CCSER1: variants seen among roughly 807,000 people sequenced by gnomAD.
CCSER1 encodes the protein coiled-coil serine rich protein 1, also known as serine-rich coiled-coil domain-containing protein 1.
CCSER1 carries 41 observed loss-of-function variants against 82.0 expected under a neutral mutation model. The ratio of observed to expected loss-of-function variants is 0.50; its 90% CI spans 0.39 to 0.65. The LOEUF (loss-of-function observed/expected upper bound fraction) is 0.65, where lower values mean the gene tolerates loss of function less well. Among genes scored for constraint, CCSER1 ranks in the 30% least tolerant of loss-of-function variants. The probability of loss-of-function intolerance (pLI) is 0.00; values close to 1 mark genes in which losing one functional copy is unlikely to be tolerated. For missense variants in CCSER1, 1,119 were observed against 1,064.2 expected, an observed-to-expected ratio of 1.05 and a Z score of -0.72; for synonymous variants, 414 against 383.9, an observed-to-expected ratio of 1.08 and a Z score of -0.92.
chr4:90,788,038 T>G (rs1754749396), intron 7 of CCSER1, among the ~76,000 whole-genome samples: 1 of 152,190 alleles, frequency 6.6e-6, no homozygotes, highest in African/African-American at 2.4e-5. Flanking sequence ...GTACTTTATT[T>G]TTATAACTTA....
chr4:91,568,938 G>A (rs963384869), intron 10 of CCSER1, among the ~76,000 whole-genome samples: 1 of 152,174 alleles, frequency 6.6e-6, no homozygotes, highest in African/African-American at 2.4e-5. Context: ...AGTTACAGGA[G>A]TTCTTGCACT....
At chr4:90,705,177 G>A (rs182785703) in intron 6 of CCSER1, among the ~76,000 whole-genome samples, 172 of 152,246 alleles carry the variant, frequency 1.1e-3, no homozygotes, top group Admixed American at 2.7e-3. Flanking sequence ...CTGTTTGTTA[G>A]TTTTCCTTCT....
At chr4:91,137,824 T>A (rs961586675) in intron 10 of CCSER1, among the ~76,000 whole-genome samples, 5 of 150,556 alleles carry the variant, frequency 3.3e-5, no homozygotes, top group African/African-American at 4.9e-5. Flanking sequence ...ATGAGTGAAA[T>A]CCCATTCACA....
At chr4:90,623,791 A>C (rs1722788249) in intron 5 of CCSER1, among the ~76,000 whole-genome samples, 2 of 152,216 alleles carry the variant, frequency 1.3e-5, no homozygotes, top group Non-Finnish European at 2.9e-5. Flanking sequence ...TTGGAAAGGA[A>C]AAATGAAAAA....
At chr4:90,869,717 A>AT (rs35693099) in intron 8 of CCSER1, among the ~76,000 whole-genome samples, 46 of 148,258 alleles carry the variant, frequency 3.1e-4, no homozygotes, top group Admixed American at 8.1e-4. Context: ...AAATTTTAGG[A>AT]TTTTTTTTTT....
chr4:90,543,930 C>G (rs916705508), intron 5 of CCSER1, among the ~76,000 whole-genome samples: 1 of 152,132 alleles, frequency 6.6e-6, no homozygotes, highest in South Asian at 2.1e-4. Context: ...CACCCTGCAT[C>G]TCAGCTAATG....
intron 8 of CCSER1, among the ~76,000 whole-genome samples, chr4:90,853,993 A>T (rs1764172987): frequency 6.6e-6 from 1 of 152,180 alleles, no homozygotes; most frequent in Non-Finnish European, 1.5e-5. Flanking sequence ...GCATGTCAAA[A>T]GGAAAGTTCA....
chr4:91,035,217 T>C (rs1396010263), intron 9 of CCSER1, among the ~76,000 whole-genome samples: 1 of 151,056 alleles, frequency 6.6e-6, no homozygotes, highest in Admixed American at 6.6e-5. Context: ...AAGATTAGTA[T>C]TAAACATTCA....
intron 10 of CCSER1, among the ~76,000 whole-genome samples, chr4:91,515,038 A>C (rs1760029400): frequency 6.6e-6 from 1 of 152,122 alleles, no homozygotes; most frequent in Non-Finnish European, 1.5e-5. Context: ...ATGATGTTTT[A>C]CCACATATTG....
chr4:90,586,405 C>CTG (rs1346412287), intron 5 of CCSER1, among the ~76,000 whole-genome samples: 2 of 152,150 alleles, frequency 1.3e-5, no homozygotes, highest in East Asian at 3.9e-4. Flanking sequence ...TAAAATATAA[C>CTG]TGTCAAAGAG....
At chr4:91,344,082 C>T (rs941725895) in intron 10 of CCSER1, among the ~76,000 whole-genome samples, 2 of 152,108 alleles carry the variant, frequency 1.3e-5, no homozygotes, top group African/African-American at 4.8e-5. Flanking sequence ...AACCTAATCC[C>T]TAATGTGATA....
At chr4:90,491,712 C>T (rs545874713) in intron 5 of CCSER1, among the ~76,000 whole-genome samples, 3 of 151,920 alleles carry the variant, frequency 2.0e-5, no homozygotes, top group African/African-American at 7.2e-5. Context: ...ATTTATTGAG[C>T]GTTTTTAGCA....
At chr4:91,420,530 A>C (rs961890950) in intron 10 of CCSER1, among the ~76,000 whole-genome samples, 1 of 152,092 alleles carries the variant, frequency 6.6e-6, no homozygotes, top group Non-Finnish European at 1.5e-5. Flanking sequence ...TGTTAAAAAA[A>C]CAGGAGATAA....
At chr4:91,591,875 T>G (rs1764287287) in intron 10 of CCSER1, among the ~76,000 whole-genome samples, 1 of 152,132 alleles carries the variant, frequency 6.6e-6, no homozygotes, top group South Asian at 2.1e-4. Flanking sequence ...ACACTGAAAT[T>G]GATTTTTTTT....
At chr4:90,763,353 T>C (rs918077475) in intron 7 of CCSER1, among the ~76,000 whole-genome samples, 8 of 151,924 alleles carry the variant, frequency 5.3e-5, no homozygotes, top group Non-Finnish European at 1.0e-4. Flanking sequence ...CCCTGGTGCT[T>C]CCTGCAGATT....
At chr4:90,801,960 C>G (rs969230184) in intron 7 of CCSER1, among the ~76,000 whole-genome samples, 1 of 152,042 alleles carries the variant, frequency 6.6e-6, no homozygotes, top group Non-Finnish European at 1.5e-5. Flanking sequence ...TGTCTCACGC[C>G]TGTAATCCCA....
At chr4:90,193,884 T>G (rs1272350639) in intron 1 of CCSER1, among the ~76,000 whole-genome samples, 4 of 152,078 alleles carry the variant, frequency 2.6e-5, no homozygotes, top group Non-Finnish European at 5.9e-5. Flanking sequence ...GCACTAGAAA[T>G]TTTGAAATCG....
chr4:90,235,406 T>G (rs1323652218), intron 1 of CCSER1: 1 of 152,228 alleles, frequency 6.6e-6, no homozygotes, highest in African/African-American at 2.4e-5. Context: ...TGCACCTCGT[T>G]TTTCTTTTCC....
intron 10 of CCSER1, among the ~76,000 whole-genome samples, chr4:91,145,439 T>C (rs565896074): frequency 4.6e-4 from 70 of 152,286 alleles, no homozygotes; most frequent in African/African-American, 1.6e-3. Flanking sequence ...GTAGGGTGTT[T>C]AGACCATTCA....
Sources: gnomAD v4.1 joint callset for allele counts (sites outside exome capture counted in the v4.1 genomes callset) on GRCh38, gnomAD v4.1.1 for gene constraint, MANE v1.5 for transcripts, NCBI Gene and HGNC (gene_info 2026-07-23, HGNC 2026-07-21) for gene names.